Variants in SIGLEC11 observed in about 807,000 individuals in gnomAD.
SIGLEC11 encodes sialic acid-binding Ig-like lectin 11.
In SIGLEC11, 47 loss-of-function variants were observed where a neutral mutation model predicts 61.2. The ratio of observed to expected loss-of-function variants is 0.77; its 90% CI spans 0.61 to 0.98. SIGLEC11 has a LOEUF of 0.98. SIGLEC11 is among the 50% of genes least tolerant of loss of function. SIGLEC11 has a pLI of 0.00. For synonymous variants in SIGLEC11, 278 were observed against 373.1 expected (o/e 0.75, Z 2.94); for missense variants, 610 against 870.3 (o/e 0.70, Z 3.76).
chr19:49,954,359 C>T (rs2076181092), intron 8 of SIGLEC11, among the ~76,000 whole-genome samples: 1 of 152,150 alleles, frequency 6.6e-6, no homozygotes, highest in African/African-American at 2.4e-5. Context: ...CTGAGTCTGA[C>T]CCCGAAGGGA....
rs2076235871 is a variant in SIGLEC11 at position 49,960,417 on chromosome 19, C to T, written c.465G>A (p.Leu155=). ...SNAFFLKVTA[L]TKKPDVYIPE... ...GGATGTAGACATCAGGCTTCTTAGT[C>T]AGGGCTGGGACAGAGACCGGGTGGG... Residue 155 remains leucine, a synonymous_variant, in exon 3 of 11, where the codon CTG becomes CTA. Coordinates refer to ENST00000447370, the MANE Select transcript of SIGLEC11 (RefSeq NM_052884.3). 1 of 1,590,454 alleles carries T rather than the reference C, an allele frequency of 6.3e-7. No homozygotes were observed. The highest frequency in any genetic ancestry group is 1.7e-5 in the Admixed American group (1 of 58,652).
intron 8 of SIGLEC11, among the ~76,000 whole-genome samples, chr19:49,958,022 TTCTTTG>T (rs1406299953): frequency 1.3e-5 from 2 of 152,038 alleles, no homozygotes; most frequent in Non-Finnish European, 2.9e-5. Flanking sequence ...AAAAAACCCC[TTCTTTG>T]TCTTTATTTA....
rs138064606 is a variant in SIGLEC11, at chr19:49,959,064, G to A, written c.1071C>T (p.Asn357=). 25 of 1,613,848 alleles carry A rather than the reference G, an allele frequency of 1.5e-5. No individual in the cohort carries two copies. The African/African-American group carries it at 3.1e-4, about 20-fold the overall frequency. The change falls in exon 6 of 11, where the codon AAC becomes AAT. Residue 357 remains asparagine, a synonymous_variant. Transcript: ENST00000447370. The part of the protein sequence containing the change: ...LDLSVQYPPE[N]LRVMVSQANR... ...TTGCTTGGGAAACCATCACTCTCAGGTTCTCTGGAGGATCTGAAATGGAGA... is the reference window on the plus strand; with the variant it reads ...TTGCTTGGGAAACCATCACTCTCAGATTCTCTGGAGGATCTGAAATGGAGA...
Position 49,955,110 on chromosome 19 carries a change from G to A in SIGLEC11, c.1652-2716C>T, listed in dbSNP as rs986473837. Among the ~76,000 whole-genome samples, 2 of 152,064 alleles carry A rather than the reference G, an allele frequency of 1.3e-5. No individual in the cohort carries two copies. The highest frequency in any genetic ancestry group is 2.4e-5 in the African/African-American group (1 of 41,406). ...GGGCAAGCCCAGGGTGACGTCAAGC[G>A]GCAGCTGCAGGCATGAATGCCACCC... On this transcript the variant is annotated intron_variant, in intron 8 of 10. Coordinates refer to ENST00000447370, the MANE Select transcript of SIGLEC11 (RefSeq NM_052884.3). The surrounding 1 kb of genome is among the most constrained non-coding windows in gnomAD (Gnocchi z 4.5).
chr19:49,951,094 C>T lies in SIGLEC11; in HGVS notation c.1830+797G>A, dbSNP rs1006570231. Among the ~76,000 whole-genome samples the T allele has an allele frequency of 7.2e-5, 11 of 152,152 alleles. No individual in the cohort carries two copies. Among genetic ancestry groups the T allele is most frequent in the African/African-American group, 1.9e-4 (8 of 41,444 alleles). ...TTTACGCCAGCACTGGGACTTACGGCGGGGCCTACGTAGCATCAGTTTGGC... is the reference window on the plus strand; with the variant it reads ...TTTACGCCAGCACTGGGACTTACGGTGGGGCCTACGTAGCATCAGTTTGGC... On this transcript the variant is annotated intron_variant, in intron 10 of 10. Transcript: ENST00000447370. This position sits in a 1 kb window ranked among gnomAD's most constrained non-coding sequence, Gnocchi z 4.6.
rs1324983591 is a variant in SIGLEC11, at chr19:49,955,701, G to A, written c.1651+2582C>T. On this transcript the variant is annotated intron_variant, in intron 8 of 10. Transcript: ENST00000447370. This position sits in a 1 kb window ranked among gnomAD's most constrained non-coding sequence, Gnocchi z 4.5. Reference sequence around the variant, plus strand: ...TGTAATCCCAGCACTTTGGGAGGCCGAGGTGGACAGATCACAGGGTCAGGA... The same window carrying A: ...TGTAATCCCAGCACTTTGGGAGGCCAAGGTGGACAGATCACAGGGTCAGGA... Among the ~76,000 whole-genome samples, 5 of 152,204 alleles carry A rather than the reference G, an allele frequency of 3.3e-5. No homozygotes were observed. In the South Asian group the frequency reaches 6.2e-4, roughly 19 times the overall value.
intron 10 of SIGLEC11, 69 bp from the exon 11 acceptor site, chr19:49,950,305 A>G: frequency 7.3e-7 from 1 of 1,377,140 alleles, no homozygotes; most frequent in East Asian, 2.6e-5. Context: ...GAGGATGCAC[A>G]AGAGGATCTG....
intron 8 of SIGLEC11, 65 bp from the exon 9 acceptor site, chr19:49,952,459 C>G: frequency 8.1e-7 from 1 of 1,234,514 alleles, no homozygotes; most frequent in Non-Finnish European, 1.1e-6. Flanking sequence ...CCCTTCCTCC[C>G]ACAGACCTAG....
At chr19:49,952,687 T>C (rs987982274) in intron 8 of SIGLEC11, among the ~76,000 whole-genome samples, 5 of 152,182 alleles carry the variant, frequency 3.3e-5, no homozygotes, top group Non-Finnish European at 7.3e-5. Context: ...CAGAGCAAGG[T>C]TGAAGGAAAA....
rs771199442 is a variant in SIGLEC11, at chr19:49,959,034, C to A, written c.1101G>T (p.Arg367Ser). Residue 367 changes from arginine (R) to serine (S), a missense_variant, in exon 6 of 11, where the codon AGG becomes AGT. Around this residue, in one of 6 missense-constraint regions of SIGLEC11, gnomAD observed 432 missense variants for 441.5 expected, o/e 0.98. Transcript: ENST00000447370. ...NLRVMVSQAN[R>S]TVLENLGNGT... ...CTCCTCTGTCTCCTTTCCTACCTGT[C>A]CTGTTTGCTTGGGAAACCATCACTC... 3.1e-6 allele frequency: 5 copies of A among 1,613,904 alleles called. No homozygotes were observed. The highest frequency in any genetic ancestry group is 4.2e-6 in the Non-Finnish European group (5 of 1,179,832).
chr19:49,958,938 G>A, intron 6 of SIGLEC11, 38 bp from the exon 7 acceptor site: 1 of 1,609,750 alleles, frequency 6.2e-7, no homozygotes, highest in East Asian at 2.2e-5. Context: ...TGCAGCTCAG[G>A]GCTCAGGGAC....
intron 9 of SIGLEC11, 129 bp downstream of exon 9, chr19:49,952,169 C>T: frequency 9.0e-7 from 1 of 1,107,916 alleles, no homozygotes; most frequent in Non-Finnish European, 1.3e-6. Context: ...GACCCCTGCT[C>T]TGATCCTCTT....
Position 49,958,879 on chromosome 19 carries a change from C to T in SIGLEC11, c.1127G>A (p.Gly376Asp). The T allele has an allele frequency of 6.2e-7, 1 of 1,601,020 alleles. No individual in the cohort carries two copies. ...GCCCTCCAGGACCGGGAGGGATGTG[C>T]CGTTCCCGAGGTTTTCCAGGACTAG... ...NRTVLENLGN[G>D]TSLPVLEGQS... Residue 376 changes from glycine to aspartate, a missense_variant, in exon 7 of 11, where the codon GGC (glycine) becomes GAC (aspartate). Coordinates refer to ENST00000447370, the MANE Select transcript of SIGLEC11 (RefSeq NM_052884.3).
In SIGLEC11 at chr19:49,958,569, G is replaced by GC; in HGVS notation, c.1364_1365insG (p.Tyr455Ter). ...AGGAGGGGCCCAGCAGCTGTGGAGG[G>GC]TCTGTGGGGAGGGAGGACAGGACTC... is the stretch of plus-strand genomic sequence containing the variant. ...QHVSLSLSVH[Y>*]PPQLLGPSCS... The change falls in exon 8 of 11, where the codon TAC (tyrosine) becomes TAGC (stop). Residue 455 changes from tyrosine to a stop codon, truncating the protein, a stop_gained and frameshift_variant and splice_region_variant. Coordinates refer to ENST00000447370, the MANE Select transcript of SIGLEC11 (RefSeq NM_052884.3). LOFTEE classifies it high-confidence loss of function. 1 of 1,570,094 alleles carries GC rather than the reference G, an allele frequency of 6.4e-7. No individual in the cohort carries two copies. Among genetic ancestry groups the GC allele is most frequent in the Non-Finnish European group, 8.6e-7 (1 of 1,159,328 alleles).
chr19:49,959,357 C>G lies in SIGLEC11; in HGVS notation c.1057+3G>C. 1 of 1,601,254 alleles carries G rather than the reference C, an allele frequency of 6.2e-7. No homozygotes were observed. Among genetic ancestry groups the G allele is most frequent in the Non-Finnish European group, 8.5e-7 (1 of 1,179,490 alleles). On this transcript the variant is annotated splice_donor_region_variant and intron_variant, in intron 5 of 10. Coordinates refer to ENST00000447370, the MANE Select transcript of SIGLEC11 (RefSeq NM_052884.3). ...ACTCCAGGCCCCTGCTAGGCACACT[C>G]ACACTGCACAGAGAGGTCCAGGGCT...
rs371271734 is a variant in SIGLEC11 at position 49,961,073 on chromosome 19, C to T, written c.9G>A (p.Pro3=). 73 of 1,349,638 alleles carry T rather than the reference C, an allele frequency of 5.4e-5. No homozygotes were observed. Among genetic ancestry groups the T allele is most frequent in the Admixed American group, 8.3e-5 (4 of 48,342 alleles). 83.6% of individuals were successfully genotyped at this position (1,349,638 alleles called of 1,614,324 possible). A position where few individuals can be genotyped will look rare whatever the true frequency, so the allele number is the denominator to read the frequency against. ...CTGGGCTCTGGGGCTGGGCCTGTCC[C>T]GGGACCATCTGGCTTCTGGGCCGGC... MV[P]GQAQPQSPEM... The change falls in exon 1 of 11, where the codon CCG becomes CCA. Residue 3 remains proline (P), a synonymous_variant. Transcript: ENST00000447370.
chr19:49,955,293 G>A lies in SIGLEC11; in HGVS notation c.1652-2899C>T, dbSNP rs2076187801. Among the ~76,000 whole-genome samples the A allele has an allele frequency of 6.9e-6, 1 of 145,346 alleles. No homozygotes were observed. The highest frequency in any genetic ancestry group is 1.5e-5 in the Non-Finnish European group (1 of 66,860). ...CTATCTGGAAAAAGAGCGGGGCGGG[G>A]ACTGGCCCCAGAAAAAAAGCCAAAA... On this transcript the variant is annotated intron_variant, in intron 8 of 10. Coordinates refer to ENST00000447370, the MANE Select transcript of SIGLEC11 (RefSeq NM_052884.3). This position sits in a 1 kb window ranked among gnomAD's most constrained non-coding sequence, Gnocchi z 4.5.
intron 8 of SIGLEC11, among the ~76,000 whole-genome samples, chr19:49,954,539 G>T (rs2076182375): frequency 6.6e-6 from 1 of 152,104 alleles, no homozygotes; most frequent in South Asian, 2.1e-4. Flanking sequence ...TCGGAGGTGG[G>T]GGGCAACGCA....
chr19:49,958,466 C>T lies in SIGLEC11; in HGVS notation c.1468G>A (p.Gly490Arg). 6.2e-7 allele frequency: 1 copy of T among 1,612,868 alleles called. No individual in the cohort carries two copies. Among genetic ancestry groups the T allele is most frequent in the South Asian group, 1.1e-5 (1 of 91,006 alleles). Residue 490 changes from glycine to arginine, a missense_variant, in exon 8 of 11, where the codon GGG becomes AGG. Physicochemically the swap from Gly to Arg is moderately radical, Grantham distance 125. Around this residue, in one of 6 missense-constraint regions of SIGLEC11, gnomAD observed 432 missense variants for 441.5 expected, o/e 0.98. Transcript: ENST00000447370. Reference sequence around the variant, plus strand: ...CTGTTCCCCTCCAGCAGCTCCTCCCCAAGCCACCAGCGCAGAGAGGGGGCC... The same window carrying T: ...CTGTTCCCCTCCAGCAGCTCCTCCCTAAGCCACCAGCGCAGAGAGGGGGCC... Reference protein sequence around the residue: ...SPAPSLRWWLGEELLEGNSSQ... With the variant: ...SPAPSLRWWLREELLEGNSSQ...
Sources: allele counts gnomAD v4.1 joint callset (sites outside exome capture counted in the v4.1 genomes callset), GRCh38; gene constraint gnomAD v4.1.1; regional missense constraint gnomAD v4.1.1; non-coding constraint Gnocchi (gnomAD v3.1); transcripts MANE v1.5; gene names NCBI Gene and HGNC (gene_info 2026-07-23, HGNC 2026-07-21).